The following RBFOX1 variants were observed in gnomAD, a reference collection of about 807,000 sequenced individuals.
RBFOX1 encodes the protein RNA binding fox-1 homolog 1.
In RBFOX1, 8 loss-of-function variants were observed where a neutral mutation model predicts 57.7. The ratio of observed to expected loss-of-function variants is 0.14; its 90% confidence interval spans 0.08 to 0.25. RBFOX1 has a LOEUF of 0.25. RBFOX1 is among the 10% of genes least tolerant of loss of function. RBFOX1 has a pLI of 1.00. For missense variants in RBFOX1, 611 were observed against 548.5 expected, an observed-to-expected ratio of 1.11 and a Z score of -1.14; for synonymous variants, 326 against 222.4, an observed-to-expected ratio of 1.47 and a Z score of -4.15.
intron 3 of RBFOX1, among the ~76,000 whole-genome samples, chr16:6,910,264 C>T (rs1244492623): frequency 6.6e-6 from 1 of 152,096 alleles, no homozygotes; most frequent in Non-Finnish European, 1.5e-5. Flanking sequence ...GGCATTTTCT[C>T]CATACTTCCA....
At chr16:7,573,763 A>G (rs761493119) in intron 5 of RBFOX1, among the ~76,000 whole-genome samples, 10 of 151,808 alleles carry the variant, frequency 6.6e-5, no homozygotes, top group African/African-American at 2.4e-4. Flanking sequence ...TGAACCCGGG[A>G]GGCAGAGGTT....
rs914462508 is a variant in RBFOX1, at chr16:5,716,760, G to A, written c.318+117799G>A. ...TAGTAAAATGATTTATATTCCTTTG[G>A]GTACATACCCAGAAATCCCATTGGA... On this transcript the variant is annotated intron_variant, in intron 3 of 19. Transcript: ENST00000641259. 2.0e-5 allele frequency among the ~76,000 whole-genome samples: 3 copies of A among 152,128 alleles called. No homozygotes were observed. The South Asian group carries it at 6.2e-4, about 31-fold the overall frequency.
At chr16:7,597,864 T>C (rs2094789902) in intron 9 of RBFOX1, among the ~76,000 whole-genome samples, 1 of 152,126 alleles carries the variant, frequency 6.6e-6, no homozygotes, top group African/African-American at 2.4e-5. Context: ...GATTAGTCAT[T>C]TGAAGTGGTT....
chr16:7,396,785 C>CA (rs1489157301), intron 4 of RBFOX1, among the ~76,000 whole-genome samples: 1 of 152,096 alleles, frequency 6.6e-6, no homozygotes, highest in African/African-American at 2.4e-5. Context: ...ACTAAAAATA[C>CA]AATCAATTAG....
intron 2 of RBFOX1, among the ~76,000 whole-genome samples, chr16:6,636,222 G>A (rs1179662107): frequency 6.6e-6 from 1 of 152,148 alleles, no homozygotes; most frequent in South Asian, 2.1e-4. Context: ...CCAGGCTGGA[G>A]TGCAGAGGCA....
intron 2 of RBFOX1, among the ~76,000 whole-genome samples, chr16:5,505,609 C>A (rs965118172): frequency 2.0e-5 from 3 of 152,182 alleles, no homozygotes; most frequent in African/African-American, 7.2e-5. Flanking sequence ...AGGCACTGTG[C>A]TGAATACTGT....
At chr16:7,608,116 T>TA (rs2056708823) in intron 10 of RBFOX1, among the ~76,000 whole-genome samples, 1 of 152,230 alleles carries the variant, frequency 6.6e-6, no homozygotes, top group African/African-American at 2.4e-5. Flanking sequence ...CATGGCTATT[T>TA]AAAAGAAGTC....
At chr16:7,179,291 G>C (rs914190796) in intron 4 of RBFOX1, among the ~76,000 whole-genome samples, 1 of 151,642 alleles carries the variant, frequency 6.6e-6, no homozygotes, top group African/African-American at 2.4e-5. Flanking sequence ...TCCATTGGAA[G>C]TGTCAAGAGA....
At chr16:7,211,133 T>G (rs938045818) in intron 4 of RBFOX1, among the ~76,000 whole-genome samples, 5 of 150,018 alleles carry the variant, frequency 3.3e-5, no homozygotes, top group Non-Finnish European at 5.9e-5. Flanking sequence ...GGCTCACACC[T>G]GTAATCCCAG....
rs1567651849 is a variant in RBFOX1 at position 6,193,427 on chromosome 16, A to AT, written c.-126-123568_-126-123567insT. Among the ~76,000 whole-genome samples the AT allele has an allele frequency of 7.8e-3, 474 of 60,878 alleles. 7 individuals are homozygous for AT. Among genetic ancestry groups the AT allele is most frequent in the Middle Eastern group, 0.038 (3 of 78 alleles). The allele number at this position is 60,878 out of a possible 152,430, so 39.9% of individuals were successfully genotyped here. A position where few individuals can be genotyped will look rare whatever the true frequency, so the allele number is the denominator to read the frequency against. On this transcript the variant is annotated intron_variant, in intron 1 of 15. Coordinates refer to ENST00000550418, the MANE Select transcript of RBFOX1 (RefSeq NM_018723.4). ...ATATATATATATATATATATATATA[A>AT]AATTCAGTGAGAAGGTTAGTAGGAA...
chr16:5,457,568 G>A (rs1185555558), intron 1 of RBFOX1, among the ~76,000 whole-genome samples: 1 of 152,168 alleles, frequency 6.6e-6, no homozygotes, highest in African/African-American at 2.4e-5. Flanking sequence ...GAATTTTGGG[G>A]CCACACAGGC....
chr16:7,239,532 GGGAT>G (rs1218342524), intron 4 of RBFOX1, among the ~76,000 whole-genome samples: 2 of 152,042 alleles, frequency 1.3e-5, no homozygotes, highest in Non-Finnish European at 2.9e-5. Context: ...GGAATCGGCT[GGGAT>G]GATACCTCAA....
At chr16:5,531,383 G>A (rs1459676940) in intron 2 of RBFOX1, among the ~76,000 whole-genome samples, 1 of 152,142 alleles carries the variant, frequency 6.6e-6, no homozygotes, top group East Asian at 1.9e-4. Flanking sequence ...TGTTGTTACC[G>A]ATCTTTAAAG....
At chr16:7,095,483 C>G (rs186272405) in intron 4 of RBFOX1, among the ~76,000 whole-genome samples, 38 of 152,262 alleles carry the variant, frequency 2.5e-4, no homozygotes, top group Middle Eastern at 6.8e-3. Context: ...TGAAAACATG[C>G]TTAATTTTTA....
At chr16:6,734,979 T>A (rs1568399512) in intron 3 of RBFOX1, among the ~76,000 whole-genome samples, 1 of 151,736 alleles carries the variant, frequency 6.6e-6, no homozygotes, top group African/African-American at 2.4e-5. Flanking sequence ...GTTTCTATAA[T>A]TTTTTTTTAA....
At chr16:5,356,141 C>T (rs1173262914) in intron 1 of RBFOX1, among the ~76,000 whole-genome samples, 1 of 152,054 alleles carries the variant, frequency 6.6e-6, no homozygotes, top group Non-Finnish European at 1.5e-5. Context: ...GAGGGGAAGG[C>T]CGTGTGCAGG....
At chr16:7,297,583 A>G (rs1341198404) in intron 4 of RBFOX1, among the ~76,000 whole-genome samples, 3 of 152,138 alleles carry the variant, frequency 2.0e-5, no homozygotes, top group Non-Finnish European at 4.4e-5. Flanking sequence ...ATTGCAACTC[A>G]GTAGTGGCTT....
Position 6,641,778 on chromosome 16 carries a change from A to AAAAG in RBFOX1, c.-63-12825_-63-12824insAAAG, listed in dbSNP as rs1568006199. ...AAAAAAAAAAAAAAAAAAAAAAAAA[A>AAAAG]TAGGTTCTGCCCTGAGCCTTTCAGG... On this transcript the variant is annotated intron_variant, in intron 2 of 15. Coordinates refer to ENST00000550418, the MANE Select transcript of RBFOX1 (RefSeq NM_018723.4). 3.0e-3 allele frequency among the ~76,000 whole-genome samples: 95 copies of AAAAG among 31,778 alleles called. 8 individuals are homozygous for AAAAG. Among genetic ancestry groups the AAAAG allele is most frequent in the Admixed American group, 4.3e-3 (9 of 2,086 alleles). The allele number at this position is 31,778 out of a possible 152,430, so 20.8% of individuals were successfully genotyped here. A position where few individuals can be genotyped will look rare whatever the true frequency, so the allele number is the denominator to read the frequency against.
chr16:6,566,408 G>T (rs1458238198), intron 2 of RBFOX1, among the ~76,000 whole-genome samples: 1 of 152,100 alleles, frequency 6.6e-6, no homozygotes. Context: ...TTTGTGGCTA[G>T]ACGTAGGGAC....
Sources: allele counts gnomAD v4.1 joint callset (sites outside exome capture counted in the v4.1 genomes callset), GRCh38; gene constraint gnomAD v4.1.1; transcripts MANE v1.5; gene names NCBI Gene and HGNC (gene_info 2026-07-23, HGNC 2026-07-21).